Variants in TSPAN15 observed in about 807,000 individuals in gnomAD.
TSPAN15 encodes the protein tetraspanin 15.
A neutral mutation model predicts 34.5 loss-of-function variants in TSPAN15; 20 were observed. The ratio of observed to expected loss-of-function variants is 0.58; its 90% CI spans 0.41 to 0.84. The LOEUF is 0.84. Ranked by LOEUF, TSPAN15 falls within the 40% of genes least tolerant of loss-of-function variation. TSPAN15 has a pLI of 0.00. For missense variants in TSPAN15, 313 were observed against 386.1 expected (o/e 0.81, Z 1.59); for synonymous variants, 155 against 153.9 (o/e 1.01, Z -0.05).
chr10:69,467,637 AACACACACACACACACACAC>A (rs36028041), intron 1 of TSPAN15, among the ~76,000 whole-genome samples: 2 of 78,106 alleles, frequency 2.6e-5, no homozygotes, highest in African/African-American at 6.7e-5. Flanking sequence ...AAAACAAAAC[AACACACACACACACACACAC>A]ACACACACAC....
intron 6 of TSPAN15, among the ~76,000 whole-genome samples, chr10:69,505,265 C>T (rs1842300308): frequency 6.6e-6 from 1 of 152,170 alleles, no homozygotes; most frequent in Non-Finnish European, 1.5e-5. Context: ...CAATTTACAG[C>T]TGTTTAACAT....
chr10:69,484,895 T>G (rs1285265745), intron 2 of TSPAN15, among the ~76,000 whole-genome samples: 1 of 151,646 alleles, frequency 6.6e-6, no homozygotes, highest in African/African-American at 2.4e-5. Flanking sequence ...CAAATGGAGG[T>G]AACCATTTGG....
chr10:69,454,723 A>G (rs761173407), intron 1 of TSPAN15, among the ~76,000 whole-genome samples: 1 of 151,960 alleles, frequency 6.6e-6, no homozygotes, highest in Non-Finnish European at 1.5e-5. Context: ...AGGCTGAGGT[A>G]GGAGGATCAC....
intron 2 of TSPAN15, 73 bp downstream of exon 2, chr10:69,483,949 C>T: frequency 6.6e-7 from 1 of 1,507,130 alleles, no homozygotes; most frequent in Non-Finnish European, 9.0e-7. Context: ...TGCCCTTGGG[C>T]AGCTCAGTTT....
At chr10:69,469,069 T>TG (rs1216068755) in intron 1 of TSPAN15, among the ~76,000 whole-genome samples, 4 of 15,972 alleles carry the variant, frequency 2.5e-4, no homozygotes, top group African/African-American at 1.1e-3. Flanking sequence ...AGGGTGAGGG[T>TG]GGGGGTGGGG....
At chr10:69,455,628 C>CCA (rs1554830582) in intron 1 of TSPAN15, among the ~76,000 whole-genome samples, 8 of 114,500 alleles carry the variant, frequency 7.0e-5, no homozygotes, top group Admixed American at 6.9e-4. Flanking sequence ...CTCTCTCTCC[C>CCA]CCCCCCGTCT....
chr10:69,460,021 TG>T (rs1841214210), intron 1 of TSPAN15, among the ~76,000 whole-genome samples: 1 of 13,858 alleles, frequency 7.2e-5, no homozygotes, highest in African/African-American at 5.6e-4. Flanking sequence ...GTTGGGGAGA[TG>T]AGATGAGATG....
chr10:69,462,170 T>TTTTTTTTTTTTTTG (rs1304188779), intron 1 of TSPAN15, among the ~76,000 whole-genome samples: 1 of 145,088 alleles, frequency 6.9e-6, no homozygotes, highest in African/African-American at 2.5e-5. Context: ...TTTTTTTTTT[T>TTTTTTTTTTTTTTG]TTTTTTTTTT....
rs1166162408 is a variant in TSPAN15 at position 69,467,866 on chromosome 10, T to C, written c.97-15825T>C. On this transcript the variant is annotated intron_variant, in intron 1 of 7. Coordinates refer to ENST00000373290, the MANE Select transcript of TSPAN15 (RefSeq NM_012339.5). ...AGGACCCAGCATCACAGTTTATACA[T>C]TGCGTTGGGTTTCTTTTTCATAAAA... 6.5e-5 allele frequency among the ~76,000 whole-genome samples: 9 copies of C among 139,476 alleles called. No individual in the cohort carries two copies. In the Admixed American group the frequency reaches 6.6e-4, roughly 10 times the overall value. 91.5% of individuals were successfully genotyped at this position (139,476 alleles called of 152,430 possible).
At chr10:69,470,964 C>G (rs188638805) in intron 1 of TSPAN15, among the ~76,000 whole-genome samples, 2 of 152,276 alleles carry the variant, frequency 1.3e-5, no homozygotes, top group African/African-American at 4.8e-5. Context: ...ATTCATGTAT[C>G]CGTGTGGCTT....
intron 3 of TSPAN15, chr10:69,495,376 G>A: frequency 1.8e-6 from 1 of 548,102 alleles, no homozygotes; most frequent in Non-Finnish European, 3.3e-6. Flanking sequence ...ACATAGCACA[G>A]GCACTCAGGC....
rs532309364 is a variant in TSPAN15, at chr10:69,485,256, GCACC to G, written c.357+45_357+48del. 728 of 1,591,684 alleles carry G rather than the reference GCACC, an allele frequency of 4.6e-4. 10 individuals are homozygous for G. In the South Asian group the frequency reaches 7.7e-3, roughly 17 times the overall value. On this transcript the variant is annotated intron_variant, in intron 3 of 7. Transcript: ENST00000373290. ...TGTGTATCGGCCATGTGTGTATGGA[GCACC>G]CACTGTGGGTGCCTTGGGCTAACTG... is the stretch of plus-strand genomic sequence containing the variant.
intron 1 of TSPAN15, among the ~76,000 whole-genome samples, chr10:69,469,465 T>C (rs1841460483): frequency 6.6e-6 from 1 of 152,142 alleles, no homozygotes; most frequent in Admixed American, 6.5e-5. Context: ...GTAGGCTCTT[T>C]TGAGACAGAG....
At chr10:69,532,121 C>A in the TSPAN15 span, among the ~76,000 whole-genome samples, 1 of 152,084 alleles carries the variant, frequency 6.6e-6, no homozygotes, top group African/African-American at 2.4e-5. Flanking sequence ...CAAAAGCAAT[C>A]TACAAATTCA....
At chr10:69,471,309 C>T (rs1841500214) in intron 1 of TSPAN15, among the ~76,000 whole-genome samples, 1 of 152,080 alleles carries the variant, frequency 6.6e-6, no homozygotes, top group Admixed American at 6.5e-5. Flanking sequence ...AGTAAGACTC[C>T]CACTGCCACT....
At chr10:69,547,516 T>C in the TSPAN15 span, among the ~76,000 whole-genome samples, 6 of 152,224 alleles carry the variant, frequency 3.9e-5, no homozygotes, top group Non-Finnish European at 7.3e-5. Flanking sequence ...TCTACTCTCA[T>C]AAATAGAAAG....
the TSPAN15 span, among the ~76,000 whole-genome samples, chr10:69,544,786 G>A: frequency 3.9e-5 from 6 of 152,150 alleles, no homozygotes; most frequent in East Asian, 1.9e-4. Context: ...GGCCACAAGC[G>A]TGTCCAGTCT....
intron 1 of TSPAN15, among the ~76,000 whole-genome samples, chr10:69,472,005 C>T (rs1355555172): frequency 6.6e-6 from 1 of 152,164 alleles, no homozygotes; most frequent in Non-Finnish European, 1.5e-5. Flanking sequence ...AATCTTCAAA[C>T]ATTTTTAACA....
chr10:69,539,464 G>GAAGA, the TSPAN15 span, among the ~76,000 whole-genome samples: 59 of 51,326 alleles, frequency 1.1e-3, no homozygotes, highest in South Asian at 3.1e-3. Flanking sequence ...GAAGAAGAAG[G>GAAGA]AGAAGGAGAA....
Sources: gnomAD v4.1 joint callset for allele counts (sites outside exome capture counted in the v4.1 genomes callset) on GRCh38, gnomAD v4.1.1 for gene constraint, MANE v1.5 for transcripts, NCBI Gene and HGNC (gene_info 2026-07-23, HGNC 2026-07-21) for gene names.